GRIA3: variants seen among roughly 807,000 people sequenced by gnomAD.
GRIA3 encodes glutamate ionotropic receptor AMPA type subunit 3, also known as glutamate receptor 3.
GRIA3 carries 3 observed loss-of-function variants against 63.0 expected under a neutral mutation model. The observed-to-expected ratio is 0.05, with a 90% confidence interval of 0.02 to 0.12. The LOEUF is 0.12. Ranked by LOEUF, GRIA3 falls within the 10% of genes least tolerant of loss-of-function variation. The pLI, the probability that GRIA3 is intolerant of heterozygous loss-of-function variation, is 1.00. For missense variants in GRIA3, 347 were observed against 700.9 expected (o/e 0.50, Z 5.70); for synonymous variants, 274 against 257.9 (o/e 1.06, Z -0.60).
intron 13 of GRIA3, among the ~76,000 whole-genome samples, chrX:123,466,757 T>C (rs532635322): frequency 8.9e-6 from 1 of 112,517 alleles, no homozygotes; most frequent in African/African-American, 3.2e-5. Flanking sequence ...AACTCACCTC[T>C]TGTACGACCA....
At chrX:123,427,418 A>G (rs1001366216) in intron 11 of GRIA3, among the ~76,000 whole-genome samples, 3 of 111,735 alleles carry the variant, frequency 2.7e-5, no homozygotes, top group African/African-American at 6.5e-5. Flanking sequence ...GGTGATTTTA[A>G]TGTGGAGCCA....
At chrX:123,444,572 T>A (rs1301085421) in intron 12 of GRIA3, among the ~76,000 whole-genome samples, 1 of 110,958 alleles carries the variant, frequency 9.0e-6, no homozygotes, top group Non-Finnish European at 1.9e-5. Flanking sequence ...GACTTGTGGG[T>A]GGACAGCCCC....
chrX:123,185,914 C>G lies in GRIA3; in HGVS notation c.192C>G (p.Thr64=), dbSNP rs770536343. 8.3e-7 allele frequency: 1 copy of G among 1,202,680 alleles called. No homozygotes were observed. Among genetic ancestry groups the G allele is most frequent in the Non-Finnish European group, 1.1e-6 (1 of 887,372 alleles). The change falls in exon 2 of 16, where the codon ACC becomes ACG. Residue 64 remains threonine (T), a synonymous_variant. Transcript: ENST00000620443. ...AVQLYNTNQN[T]TEKPFHLNYH... ...AGTTATACAACACCAACCAGAACAC[C>G]ACCGAGAAGCCCTTCCATTTGAATT...
chrX:123,464,733 G>A (rs908625627), intron 12 of GRIA3, 132 bp from the exon 13 acceptor site: 17 of 539,929 alleles, frequency 3.1e-5, no homozygotes, highest in Non-Finnish European at 4.4e-5. Flanking sequence ...ATGTATGAAC[G>A]TGCCTACTAG....
At chrX:123,281,485 G>C (rs183815956) in intron 3 of GRIA3, among the ~76,000 whole-genome samples, 1 of 112,154 alleles carries the variant, frequency 8.9e-6, no homozygotes, top group African/African-American at 3.2e-5. Flanking sequence ...GAAATAAAAA[G>C]AAATTATCTC....
At position 123,314,088 on chromosome X, in the gene GRIA3, A is replaced by G. The variant is rs149117245; in HGVS notation, c.509-11938A>G. On this transcript the variant is annotated intron_variant, in intron 3 of 15. Coordinates refer to ENST00000620443, the MANE Select transcript of GRIA3 (RefSeq NM_007325.5). The stretch of plus-strand genomic sequence containing the variant: ...CTGGCAAGTGCATTCTCTGGTTGTG[A>G]TCTATGGTCAGCTCTCTGCCCCGGG... 4.1e-3 allele frequency among the ~76,000 whole-genome samples: 461 copies of G among 111,447 alleles called. 1 individual carries two copies. Among genetic ancestry groups the G allele is most frequent in the African/African-American group, 0.014 (416 of 30,670 alleles).
intron 10 of GRIA3, among the ~76,000 whole-genome samples, chrX:123,416,919 G>A (rs1052415414): frequency 1.8e-5 from 2 of 112,505 alleles, no homozygotes; most frequent in Non-Finnish European, 3.8e-5. Context: ...AAACACCTAA[G>A]AATTAAACTG....
intron 3 of GRIA3, among the ~76,000 whole-genome samples, chrX:123,275,474 GA>G (rs1404621056): frequency 8.9e-6 from 1 of 112,312 alleles, no homozygotes; most frequent in Non-Finnish European, 1.9e-5. Context: ...TGGATTTACT[GA>G]GCCCTTCCCA....
intron 13 of GRIA3, among the ~76,000 whole-genome samples, chrX:123,467,739 C>A (rs748742652): frequency 1.8e-5 from 2 of 111,839 alleles, no homozygotes; most frequent in African/African-American, 6.5e-5. Flanking sequence ...GATAACCAGA[C>A]GTTTGATGTT....
rs760539656 is a variant in GRIA3 at position 123,468,049 on chromosome X, G to A, written c.2324+2937G>A. On this transcript the variant is annotated intron_variant, in intron 13 of 15. Coordinates refer to ENST00000620443, the MANE Select transcript of GRIA3 (RefSeq NM_007325.5). ...CTACCTGCCAGGCATCTTTCAAATC[G>A]CTTTCCTTGGTCATTCCTACAGCCA... Among the ~76,000 whole-genome samples the A allele has an allele frequency of 6.3e-5, 7 of 111,979 alleles. No individual in the cohort carries two copies. The East Asian group carries it at 1.7e-3, about 27-fold the overall frequency.
At chrX:123,280,727 C>G (rs945026094) in intron 3 of GRIA3, among the ~76,000 whole-genome samples, 1 of 112,088 alleles carries the variant, frequency 8.9e-6, no homozygotes, top group South Asian at 3.7e-4. Context: ...TAAAACTATA[C>G]ATGAGCTGAG....
chrX:123,323,364 T>G (rs1217133114), intron 3 of GRIA3, among the ~76,000 whole-genome samples: 1 of 112,202 alleles, frequency 8.9e-6, no homozygotes, highest in East Asian at 2.8e-4. Context: ...TATATATAGA[T>G]TGAGCTGTCT....
intron 13 of GRIA3, among the ~76,000 whole-genome samples, chrX:123,466,955 A>G (rs2045837608): frequency 1.8e-5 from 2 of 112,813 alleles, no homozygotes; most frequent in African/African-American, 3.2e-5. Flanking sequence ...GGGTTTGGAA[A>G]CACTGATCCA....
At chrX:123,292,882 C>T (rs1204815826) in intron 3 of GRIA3, among the ~76,000 whole-genome samples, 2 of 110,636 alleles carry the variant, frequency 1.8e-5, no homozygotes, top group Non-Finnish European at 1.9e-5. Flanking sequence ...TTACCTTGGA[C>T]GATCATGGCG....
At chrX:123,242,034 A>AT (rs930302629) in intron 2 of GRIA3, among the ~76,000 whole-genome samples, 5 of 111,233 alleles carry the variant, frequency 4.5e-5, no homozygotes, top group Admixed American at 9.6e-5. Flanking sequence ...GGATTGTTGC[A>AT]TTTTTTAGGA....
chrX:123,185,394 G>C (rs1386267600), intron 1 of GRIA3, among the ~76,000 whole-genome samples: 2 of 109,284 alleles, frequency 1.8e-5, no homozygotes, highest in Non-Finnish European at 3.8e-5. Context: ...TCACGGGGGA[G>C]GGTGGCTATG....
chrX:123,288,181 A>C (rs2044632797), intron 3 of GRIA3, among the ~76,000 whole-genome samples: 1 of 112,623 alleles, frequency 8.9e-6, no homozygotes, highest in Admixed American at 9.4e-5. Context: ...TTCCCTATTT[A>C]ATAAATGGTG....
intron 3 of GRIA3, among the ~76,000 whole-genome samples, chrX:123,304,384 A>G (rs1319670838): frequency 1.8e-5 from 2 of 111,623 alleles, no homozygotes; most frequent in Non-Finnish European, 3.8e-5. Context: ...ATTAAATTAG[A>G]TGATATCTAA....
At chrX:123,380,009 T>C (rs1015839673) in intron 5 of GRIA3, among the ~76,000 whole-genome samples, 1 of 110,786 alleles carries the variant, frequency 9.0e-6, no homozygotes, top group African/African-American at 3.3e-5. Flanking sequence ...TTCCATGGTG[T>C]ATATGTGTCA....
Sources: allele counts gnomAD v4.1 joint callset (sites outside exome capture counted in the v4.1 genomes callset), GRCh38; gene constraint gnomAD v4.1.1; transcripts MANE v1.5; gene names NCBI Gene and HGNC (gene_info 2026-07-23, HGNC 2026-07-21).